VPS53: variants seen among roughly 807,000 people sequenced by gnomAD.
VPS53 encodes VPS53 subunit of GARP complex, also known as vacuolar protein sorting-associated protein 53 homolog.
VPS53 carries 70 observed loss-of-function variants against 107.0 expected under a neutral mutation model. The ratio of observed to expected loss-of-function variants is 0.65; its 90% CI spans 0.54 to 0.80. VPS53 has a LOEUF of 0.80. Among genes scored for constraint, VPS53 ranks in the 30% least tolerant of loss-of-function variants. The pLI is 0.00. For synonymous variants in VPS53, 409 were observed against 393.3 expected, an observed-to-expected ratio of 1.04 and a Z score of -0.47; for missense variants, 917 against 1,049.4, an observed-to-expected ratio of 0.87 and a Z score of 1.74.
chr17:708,079 C>A (rs1212903488), intron 2 of VPS53, among the ~76,000 whole-genome samples: 1 of 152,124 alleles, frequency 6.6e-6, no homozygotes, highest in Admixed American at 6.6e-5. Flanking sequence ...CCTACGGGGC[C>A]TTGTGGGTTT....
Position 714,605 on chromosome 17 carries a change from G to A in VPS53, c.87+18C>T. 6.2e-7 allele frequency: 1 copy of A among 1,603,792 alleles called. No homozygotes were observed. On this transcript the variant is annotated intron_variant, in intron 1 of 21. Transcript: ENST00000437048. ...CTCCCGCACTCCCGTTTCCCCTCCTGAGGGGCGGAACGCTTACCTGCTCGA... is the reference window on the plus strand; with the variant it reads ...CTCCCGCACTCCCGTTTCCCCTCCTAAGGGGCGGAACGCTTACCTGCTCGA...
chr17:591,245 T>G (rs1251291697), intron 12 of VPS53, among the ~76,000 whole-genome samples: 1 of 152,252 alleles, frequency 6.6e-6, no homozygotes, highest in African/African-American at 2.4e-5. Context: ...CATTTTTTAT[T>G]GCATCTATTT....
At chr17:591,694 T>C (rs1052293880) in intron 12 of VPS53, among the ~76,000 whole-genome samples, 6 of 152,174 alleles carry the variant, frequency 3.9e-5, no homozygotes, top group Non-Finnish European at 8.8e-5. Flanking sequence ...CGGTTTTGAG[T>C]GAGATTCTTA....
intron 19 of VPS53, chr17:531,941 A>G (rs1909601545): frequency 8.3e-6 from 1 of 120,230 alleles, no homozygotes; most frequent in Non-Finnish European, 1.6e-5. Context: ...ACGCCTGGCT[A>G]ATTGTTTTTT....
At chr17:545,264 C>T (rs1911090235) in intron 17 of VPS53, among the ~76,000 whole-genome samples, 1 of 152,202 alleles carries the variant, frequency 6.6e-6, no homozygotes, top group Admixed American at 6.5e-5. Flanking sequence ...GCATGTGAAT[C>T]TAGCAAACTA....
chr17:557,012 G>A (rs544102162), intron 15 of VPS53, among the ~76,000 whole-genome samples: 384 of 148,370 alleles, frequency 2.6e-3, no homozygotes, highest in Non-Finnish European at 4.3e-3. Context: ...CACCACACCC[G>A]GCTAATTTTT....
At chr17:567,771 TAC>T (rs1913662483) in intron 13 of VPS53, among the ~76,000 whole-genome samples, 1 of 151,884 alleles carries the variant, frequency 6.6e-6, no homozygotes, top group African/African-American at 2.4e-5. Flanking sequence ...TGCTTGTAGT[TAC>T]AGTTACTTGG....
At position 623,627 on chromosome 17, in the gene VPS53, A is replaced by G; in HGVS notation, c.1022T>C (p.Val341Ala). 2.5e-6 allele frequency: 4 copies of G among 1,614,042 alleles called. No individual in the cohort carries two copies. The highest frequency in any genetic ancestry group is 3.4e-6 in the Non-Finnish European group (4 of 1,179,912). ...TTGAATAGCAAAAAGAAGCAATTTC[A>G]CTTCAATTTCCTTCGCTCTGGTACG... ...IMRTRAKEIEVKLLLFAIQRT... is the reference protein window; with the variant it reads ...IMRTRAKEIEAKLLLFAIQRT... The change falls in exon 11 of 22, where the codon GTG becomes GCG. Residue 341 changes from valine (V) to alanine (A), a missense_variant. Val to Ala is a moderately conservative substitution (Grantham distance 64). Transcript: ENST00000437048.
intron 17 of VPS53, among the ~76,000 whole-genome samples, chr17:547,182 G>A (rs1292291192): frequency 6.6e-6 from 1 of 152,010 alleles, no homozygotes; most frequent in Non-Finnish European, 1.5e-5. Flanking sequence ...TGGCCTTTAG[G>A]TACATATTGA....
At chr17:610,029 G>C (rs1213337943) in intron 11 of VPS53, among the ~76,000 whole-genome samples, 1 of 151,926 alleles carries the variant, frequency 6.6e-6, no homozygotes, top group Middle Eastern at 3.2e-3. Context: ...CTACGCGGAG[G>C]CTGAGGCAGG....
chr17:689,125 T>C (rs1169292613), intron 4 of VPS53, among the ~76,000 whole-genome samples: 1 of 152,182 alleles, frequency 6.6e-6, no homozygotes, highest in Non-Finnish European at 1.5e-5. Flanking sequence ...AATTACTTTC[T>C]TCAATTTTTA....
chr17:526,150 C>G (rs1909117472), intron 19 of VPS53, among the ~76,000 whole-genome samples: 1 of 151,970 alleles, frequency 6.6e-6, no homozygotes, highest in Non-Finnish European at 1.5e-5. Flanking sequence ...CAGGACTCAA[C>G]TCTGTCTTCC....
intron 11 of VPS53, among the ~76,000 whole-genome samples, chr17:608,321 AG>A (rs1968677804): frequency 6.6e-6 from 1 of 152,202 alleles, no homozygotes; most frequent in African/African-American, 2.4e-5. Context: ...CAAAGAGGGA[AG>A]CTTGAAAAAT....
chr17:664,445 T>C (rs1353471747), intron 4 of VPS53, among the ~76,000 whole-genome samples: 1 of 152,056 alleles, frequency 6.6e-6, no homozygotes, highest in African/African-American at 2.4e-5. Context: ...AAGACCTCGG[T>C]GTTTTGGAGG....
At chr17:596,997 C>A (rs1443248780) in intron 12 of VPS53, among the ~76,000 whole-genome samples, 1 of 152,224 alleles carries the variant, frequency 6.6e-6, no homozygotes, top group African/African-American at 2.4e-5. Flanking sequence ...GCTCGGATCA[C>A]CAGAAGGGAC....
chr17:678,652 T>A (rs7209491), intron 4 of VPS53, among the ~76,000 whole-genome samples: 20,625 of 149,138 alleles, frequency 0.14, 1,776 homozygotes, highest in East Asian at 0.39. Context: ...ATATATATAT[T>A]TTTTTGAGAC....
chr17:517,243 CTTCTT>C lies in VPS53; in HGVS notation c.*1880_*1884del, dbSNP rs139241087. 12,563 of 389,314 alleles carry C rather than the reference CTTCTT, an allele frequency of 0.032. 319 individuals carry two copies. The highest frequency in any genetic ancestry group is 0.11 in the East Asian group (2,992 of 27,404). 24.1% of individuals were successfully genotyped at this position (389,314 alleles called of 1,614,324 possible). A position where few individuals can be genotyped will look rare whatever the true frequency, so the allele number is the denominator to read the frequency against. On this transcript the variant is annotated 3_prime_UTR_variant, in exon 22 of 22. Coordinates refer to ENST00000437048, the MANE Select transcript of VPS53 (RefSeq NM_001128159.3). ...AAGGCCGCATCTCCTTCTCGCAACA[CTTCTT>C]TTCTCCTCCGCATTCTCAAATTTGA...
chr17:589,606 T>A (rs1468364392), intron 12 of VPS53, among the ~76,000 whole-genome samples: 1 of 152,278 alleles, frequency 6.6e-6, no homozygotes, highest in East Asian at 1.9e-4. Flanking sequence ...AGTTTGACAT[T>A]ATTTTAAAAA....
At chr17:593,190 T>C (rs1175805613) in intron 12 of VPS53, among the ~76,000 whole-genome samples, 1 of 152,010 alleles carries the variant, frequency 6.6e-6, no homozygotes, top group Non-Finnish European at 1.5e-5. Context: ...ACGTTAGACC[T>C]AAAACCATAA....
Sources: gnomAD v4.1 joint callset for allele counts (sites outside exome capture counted in the v4.1 genomes callset) on GRCh38, gnomAD v4.1.1 for gene constraint, MANE v1.5 for transcripts, NCBI Gene and HGNC (gene_info 2026-07-23, HGNC 2026-07-21) for gene names.